FNBP1: variants seen among roughly 807,000 people sequenced by gnomAD.
FNBP1 encodes formin-binding protein 1.
Under a neutral mutation model 90.6 loss-of-function variants are expected in FNBP1, and 26 were observed. That is an observed-to-expected ratio of 0.29 (90% CI 0.21 to 0.40). The LOEUF (loss-of-function observed/expected upper bound fraction) is 0.40, where lower values mean the gene tolerates loss of function less well. Ranked by LOEUF, FNBP1 falls within the 10% of genes least tolerant of loss-of-function variation. FNBP1 has a pLI of 1.00. For missense variants in FNBP1, 635 were observed against 768.0 expected (o/e 0.83, Z 2.05); for synonymous variants, 260 against 265.2 (o/e 0.98, Z 0.19).
rs1179978392 is a variant in FNBP1 at position 129,890,394 on chromosome 9, T to C, written c.*145A>G. ...CGGGAGGGCAGGGCCGCAGGGAGCA[T>C]GCTGGAGAGAGAGAGAGACCGCCCC... is the stretch of plus-strand genomic sequence containing the variant. On this transcript the variant is annotated 3_prime_UTR_variant, in exon 17 of 17. Transcript: ENST00000446176. This position sits in a 1 kb window ranked among gnomAD's most constrained non-coding sequence, Gnocchi z 5.8. 1 of 581,150 alleles carries C rather than the reference T, an allele frequency of 1.7e-6. No homozygotes were observed. Among genetic ancestry groups the C allele is most frequent in the Non-Finnish European group, 3.0e-6 (1 of 331,448 alleles). 36.0% of individuals were successfully genotyped at this position (581,150 alleles called of 1,614,324 possible).
intron 1 of FNBP1, among the ~76,000 whole-genome samples, chr9:130,022,148 T>G (rs2057895607): frequency 3.3e-5 from 5 of 151,440 alleles, no homozygotes; most frequent in Admixed American, 3.3e-4. Flanking sequence ...CGTGAGCCAT[T>G]GCACCCAGCC....
At chr9:130,030,747 A>ACT (rs780990284) in intron 1 of FNBP1, among the ~76,000 whole-genome samples, 3,754 of 152,326 alleles carry the variant, frequency 0.025, 61 homozygotes, top group Non-Finnish European at 0.036. Flanking sequence ...CTGCTTATGA[A>ACT]TATACTTCTC....
chr9:130,037,473 TAATAATTTGTTACTTTAAGATTAAA>T (rs2059422081), intron 1 of FNBP1, among the ~76,000 whole-genome samples: 1 of 152,204 alleles, frequency 6.6e-6, no homozygotes, highest in South Asian at 2.1e-4. Context: ...CTGGAACTGT[TAATAATTTGTTACTTTAAGATTAAA>T]AAACTAGTTT....
chr9:130,018,136 G>A (rs2057445125), intron 1 of FNBP1, among the ~76,000 whole-genome samples: 1 of 151,296 alleles, frequency 6.6e-6, no homozygotes, highest in South Asian at 2.1e-4. Context: ...GGATGGTCTC[G>A]ATCTCCTGAC....
At chr9:129,992,216 T>G (rs979508367) in intron 2 of FNBP1, among the ~76,000 whole-genome samples, 1 of 152,166 alleles carries the variant, frequency 6.6e-6, no homozygotes, top group Non-Finnish European at 1.5e-5. Flanking sequence ...AGAATACCAG[T>G]AGCCCGCTTG....
intron 1 of FNBP1, among the ~76,000 whole-genome samples, chr9:130,014,741 C>T (rs1342915813): frequency 6.6e-6 from 1 of 152,022 alleles, no homozygotes; most frequent in Admixed American, 6.6e-5. Context: ...ACTTGAGCCT[C>T]TGCCAATTAG....
chr9:130,011,555 T>C (rs2131682153), intron 1 of FNBP1, among the ~76,000 whole-genome samples: 1 of 152,128 alleles, frequency 6.6e-6, no homozygotes, highest in East Asian at 1.9e-4. Flanking sequence ...GAGCTGCTGT[T>C]GCTCTTCCAT....
At chr9:130,039,015 G>A (rs2132373660) in intron 1 of FNBP1, among the ~76,000 whole-genome samples, 1 of 152,124 alleles carries the variant, frequency 6.6e-6, no homozygotes, top group Non-Finnish European at 1.5e-5. Context: ...ACATTCAAAT[G>A]TAAGCAACTC....
rs1035811143 is a variant in FNBP1, at chr9:129,958,363, C to T, written c.408+128G>A. 3 of 652,614 alleles carry T rather than the reference C, an allele frequency of 4.6e-6. No homozygotes were observed. In the Admixed American group the frequency reaches 8.7e-5, roughly 19 times the overall value. 40.4% of individuals were successfully genotyped at this position (652,614 alleles called of 1,614,324 possible). On this transcript the variant is annotated intron_variant, in intron 5 of 16. Transcript: ENST00000446176. ...AGGAGAATCACTTGAACCTGGGAAGCAGAGGTTACAGTGAGCCGAGATCGC... is the reference window on the plus strand; with the variant it reads ...AGGAGAATCACTTGAACCTGGGAAGTAGAGGTTACAGTGAGCCGAGATCGC...
chr9:129,908,557 T>G (rs1259302844), intron 12 of FNBP1, among the ~76,000 whole-genome samples: 3 of 151,054 alleles, frequency 2.0e-5, no homozygotes, highest in Non-Finnish European at 2.9e-5. Flanking sequence ...ATTATTATTA[T>G]TTTTTATTTT....
At chr9:129,942,158 CA>C (rs989489377) in intron 6 of FNBP1, among the ~76,000 whole-genome samples, 6 of 151,804 alleles carry the variant, frequency 4.0e-5, no homozygotes, top group African/African-American at 1.4e-4. Flanking sequence ...GCTAAACTAT[CA>C]CATTAGAGGG....
At chr9:130,051,907 G>C in the FNBP1 span, among the ~76,000 whole-genome samples, 1 of 152,184 alleles carries the variant, frequency 6.6e-6, no homozygotes, top group South Asian at 2.1e-4. Flanking sequence ...GCCCCTGCAG[G>C]CTTTTTCAGT....
intron 16 of FNBP1, chr9:129,895,475 G>GCGTGC (rs1474145505): frequency 2.1e-5 from 24 of 1,148,620 alleles, no homozygotes; most frequent in Non-Finnish European, 2.6e-5. Context: ...CCTGCATGAT[G>GCGTGC]CGTGCCGGCT....
chr9:129,897,180 C>A (rs1230170069), intron 15 of FNBP1, among the ~76,000 whole-genome samples: 1 of 152,188 alleles, frequency 6.6e-6, no homozygotes, highest in Non-Finnish European at 1.5e-5. Context: ...ATTTCCTCTC[C>A]TTTTTGTTCC....
At chr9:130,048,491 C>CTTT in the FNBP1 span, among the ~76,000 whole-genome samples, 3 of 105,082 alleles carry the variant, frequency 2.9e-5, no homozygotes, top group Non-Finnish European at 3.6e-5. Context: ...CCTCAGTTTC[C>CTTT]TTTTTTTTTT....
intron 6 of FNBP1, among the ~76,000 whole-genome samples, chr9:129,949,400 A>G (rs72757264): frequency 0.01 from 1,582 of 152,258 alleles, 18 homozygotes; most frequent in South Asian, 0.04. Context: ...GCTTTTTCTT[A>G]TATCTACTTT....
chr9:129,943,151 T>TAA (rs879750488), intron 6 of FNBP1, among the ~76,000 whole-genome samples: 1,785 of 152,306 alleles, frequency 0.012, 19 homozygotes, highest in South Asian at 0.023. Context: ...TTCTCTTTTC[T>TAA]GTTTCTACAT....
intron 12 of FNBP1, among the ~76,000 whole-genome samples, chr9:129,904,744 A>G (rs1487739148): frequency 6.6e-6 from 1 of 151,822 alleles, no homozygotes; most frequent in African/African-American, 2.4e-5. Context: ...CACAGCATGC[A>G]TCATTCATTA....
chr9:129,929,498 T>A, intron 7 of FNBP1, 69 bp downstream of exon 7: 4 of 1,440,664 alleles, frequency 2.8e-6, no homozygotes, highest in Non-Finnish European at 3.9e-6. Context: ...CAATCACGAT[T>A]CAGAAGTGTC....
Sources: gnomAD v4.1 joint callset for allele counts (sites outside exome capture counted in the v4.1 genomes callset) on GRCh38, gnomAD v4.1.1 for gene constraint, Gnocchi (gnomAD v3.1) non-coding constraint, MANE v1.5 for transcripts, NCBI Gene and HGNC (gene_info 2026-07-23, HGNC 2026-07-21) for gene names.